PCSK2: variants seen among roughly 807,000 people sequenced by gnomAD.
PCSK2 encodes proprotein convertase subtilisin/kexin type 2.
In PCSK2, 14 loss-of-function variants were observed where a neutral mutation model predicts 69.7. The ratio of observed to expected loss-of-function variants is 0.20; its 90% CI spans 0.13 to 0.31. The LOEUF (loss-of-function observed/expected upper bound fraction) is 0.31, where lower values mean the gene tolerates loss of function less well. Among genes scored for constraint, PCSK2 ranks in the 10% least tolerant of loss-of-function variants. The pLI is 1.00. For synonymous variants in PCSK2, 307 were observed against 320.7 expected (o/e 0.96, Z 0.46); for missense variants, 544 against 842.5 (o/e 0.65, Z 4.39).
chr20:17,423,207 A>T (rs2032170575), intron 6 of PCSK2, among the ~76,000 whole-genome samples: 1 of 152,170 alleles, frequency 6.6e-6, no homozygotes, highest in African/African-American at 2.4e-5. Context: ...GAGACATAAG[A>T]CATTAATCAA....
intron 2 of PCSK2, among the ~76,000 whole-genome samples, chr20:17,347,957 AAAG>A (rs1990724726): frequency 4.7e-5 from 2 of 42,954 alleles, no homozygotes; most frequent in Admixed American, 7.3e-4. Context: ...AGAAAGAAAG[AAAG>A]AGAAAGAAAG....
intron 2 of PCSK2, among the ~76,000 whole-genome samples, chr20:17,279,285 T>G (rs73897858): frequency 0.019 from 2,824 of 152,310 alleles, 89 homozygotes; most frequent in African/African-American, 0.066. Context: ...TCTCAGAAAT[T>G]TGCAAGTGTT....
Position 17,482,096 on chromosome 20 carries a change from C to T in PCSK2, c.*26C>T, listed in dbSNP as rs1470643168. The T allele has an allele frequency of 2.0e-6, 3 of 1,527,968 alleles. No homozygotes were observed. The highest frequency in any genetic ancestry group is 2.6e-6 in the Non-Finnish European group (3 of 1,140,200). 94.7% of individuals were successfully genotyped at this position (1,527,968 alleles called of 1,614,324 possible). A position where few individuals can be genotyped will look rare whatever the true frequency, so the allele number is the denominator to read the frequency against. On this transcript the variant is annotated 3_prime_UTR_variant, in exon 12 of 12. Coordinates refer to ENST00000262545, the MANE Select transcript of PCSK2 (RefSeq NM_002594.5). ...CGCTGCACATCCGCCTTTCCCACCGCCCTCCCTCCCCAGCTCCGCCTCTGT... is the reference window on the plus strand; with the variant it reads ...CGCTGCACATCCGCCTTTCCCACCGTCCTCCCTCCCCAGCTCCGCCTCTGT...
At chr20:17,391,128 T>G (rs2031360857) in intron 5 of PCSK2, among the ~76,000 whole-genome samples, 1 of 152,222 alleles carries the variant, frequency 6.6e-6, no homozygotes, top group Non-Finnish European at 1.5e-5. Context: ...GTGAAATTTC[T>G]GAGTCAAGTA....
intron 11 of PCSK2, among the ~76,000 whole-genome samples, chr20:17,467,142 T>C (rs1164095296): frequency 6.6e-6 from 1 of 152,204 alleles, no homozygotes; most frequent in Non-Finnish European, 1.5e-5. Context: ...GCTGCATCTC[T>C]TCTACTCAGT....
At chr20:17,271,164 A>T (rs528648148) in intron 2 of PCSK2, among the ~76,000 whole-genome samples, 1 of 152,022 alleles carries the variant, frequency 6.6e-6, no homozygotes, top group Non-Finnish European at 1.5e-5. Flanking sequence ...TAGCATTTAT[A>T]TGTTGGTATC....
At chr20:17,336,544 A>G (rs1029431500) in intron 2 of PCSK2, among the ~76,000 whole-genome samples, 1 of 152,196 alleles carries the variant, frequency 6.6e-6, no homozygotes, top group Admixed American at 6.5e-5. Flanking sequence ...CTGAGCAAAC[A>G]TCAGGCAAAC....
chr20:17,438,974 G>T (rs1414649390), intron 8 of PCSK2, among the ~76,000 whole-genome samples: 1 of 152,164 alleles, frequency 6.6e-6, no homozygotes, highest in Admixed American at 6.5e-5. Context: ...TGAGTCTGGG[G>T]CAGCCGAATC....
intron 4 of PCSK2, among the ~76,000 whole-genome samples, chr20:17,362,614 G>T (rs2030436725): frequency 6.6e-6 from 1 of 152,176 alleles, no homozygotes; most frequent in South Asian, 2.1e-4. Flanking sequence ...TCTTATAGGT[G>T]GCTCAGGACT....
At chr20:17,447,827 A>T (rs1361201359) in intron 8 of PCSK2, among the ~76,000 whole-genome samples, 3 of 152,094 alleles carry the variant, frequency 2.0e-5, no homozygotes, top group Non-Finnish European at 4.4e-5. Flanking sequence ...TTAATCACAT[A>T]AAAAAAGTCA....
At chr20:17,289,686 T>C (rs1988631964) in intron 2 of PCSK2, among the ~76,000 whole-genome samples, 1 of 152,166 alleles carries the variant, frequency 6.6e-6, no homozygotes, top group South Asian at 2.1e-4. Flanking sequence ...TGTTTATATC[T>C]TTTCAGTGTT....
chr20:17,243,074 T>C (rs1578404), intron 1 of PCSK2, among the ~76,000 whole-genome samples: 5,983 of 152,302 alleles, frequency 0.039, 387 homozygotes, highest in African/African-American at 0.14. Flanking sequence ...AGCTCCTCAT[T>C]CTCATTTTTT....
chr20:17,287,194 G>C (rs1988541532), intron 2 of PCSK2, among the ~76,000 whole-genome samples: 1 of 152,036 alleles, frequency 6.6e-6, no homozygotes, highest in Non-Finnish European at 1.5e-5. Flanking sequence ...CTAAACTAGT[G>C]TTTGACCAAA....
At chr20:17,467,902 C>T (rs764460955) in intron 11 of PCSK2, among the ~76,000 whole-genome samples, 4 of 152,210 alleles carry the variant, frequency 2.6e-5, no homozygotes, top group African/African-American at 9.6e-5. Flanking sequence ...CAGTAATCTC[C>T]TAGAGTTTTT....
intron 5 of PCSK2, among the ~76,000 whole-genome samples, chr20:17,388,808 G>A (rs964146249): frequency 2.6e-5 from 4 of 152,024 alleles, no homozygotes; most frequent in South Asian, 2.1e-4. Context: ...TTGGATGCTC[G>A]GATTTTTCGC....
intron 8 of PCSK2, among the ~76,000 whole-genome samples, chr20:17,442,673 A>T (rs778223120): frequency 7.9e-5 from 12 of 152,226 alleles, no homozygotes; most frequent in Non-Finnish European, 1.8e-4. Context: ...GGAGAGAAAC[A>T]TGTTTCCAAG....
chr20:17,265,782 A>G (rs969038923), intron 2 of PCSK2, among the ~76,000 whole-genome samples: 1 of 152,218 alleles, frequency 6.6e-6, no homozygotes, highest in Admixed American at 6.5e-5. Flanking sequence ...AAAGAGAATT[A>G]TAGAGCAGGA....
rs41276378 is a variant in PCSK2, at chr20:17,227,204, T to A, written c.-102T>A. ...CTCTTTCTCTATACAAAGATTTTTT[T>A]AAAAACTATATATAAGAATTCTTTA... On this transcript the variant is annotated 5_prime_UTR_variant, in exon 1 of 12. Coordinates refer to ENST00000262545, the MANE Select transcript of PCSK2 (RefSeq NM_002594.5). The A allele has an allele frequency of 3.1e-3, 2,380 of 766,100 alleles. 8 individuals carry two copies. Among genetic ancestry groups the A allele is most frequent in the African/African-American group, 0.01 (576 of 56,496 alleles). The allele number at this position is 766,100 out of a possible 1,614,324, so 47.5% of individuals were successfully genotyped here. A position where few individuals can be genotyped will look rare whatever the true frequency, so the allele number is the denominator to read the frequency against.
chr20:17,367,054 T>C (rs1184901665), intron 4 of PCSK2, among the ~76,000 whole-genome samples: 1 of 151,652 alleles, frequency 6.6e-6, no homozygotes, highest in Non-Finnish European at 1.5e-5. Flanking sequence ...TAGCTAAGTG[T>C]GAAAAAAGAC....
Sources: gnomAD v4.1 joint callset for allele counts (sites outside exome capture counted in the v4.1 genomes callset) on GRCh38, gnomAD v4.1.1 for gene constraint, MANE v1.5 for transcripts, NCBI Gene and HGNC (gene_info 2026-07-23, HGNC 2026-07-21) for gene names.